HECW2: variants seen among roughly 807,000 people sequenced by gnomAD.
The protein encoded by HECW2 is E3 ubiquitin-protein ligase HECW2.
Under a neutral mutation model 175.2 loss-of-function variants are expected in HECW2, and 61 were observed. That is an observed-to-expected ratio of 0.35 (90% confidence interval 0.28 to 0.43). The LOEUF is 0.43. Ranked by LOEUF, HECW2 falls within the 20% of genes least tolerant of loss-of-function variation. The probability of loss-of-function intolerance (pLI) is 1.00; values close to 1 mark genes in which losing one functional copy is unlikely to be tolerated. For missense variants in HECW2, 1,524 were observed against 2,000.5 expected (o/e 0.76, Z 4.54); for synonymous variants, 671 against 731.0 (o/e 0.92, Z 1.32).
chr2:196,408,670 G>C (rs1695028458), intron 2 of HECW2, among the ~76,000 whole-genome samples: 1 of 152,144 alleles, frequency 6.6e-6, no homozygotes, highest in South Asian at 2.1e-4. Context: ...TTTATGAACA[G>C]CAAATCCTAA....
At chr2:196,544,627 A>C (rs1044107189) in intron 1 of HECW2, among the ~76,000 whole-genome samples, 3 of 152,194 alleles carry the variant, frequency 2.0e-5, no homozygotes, top group Non-Finnish European at 4.4e-5. Context: ...GAATGGGATA[A>C]ATAATGGTGC....
chr2:196,368,140 C>T (rs1693800493), intron 2 of HECW2, among the ~76,000 whole-genome samples: 1 of 152,126 alleles, frequency 6.6e-6, no homozygotes, highest in African/African-American at 2.4e-5. Context: ...ATATACCTAG[C>T]AGTGTAATTG....
chr2:196,403,713 C>T (rs558103926), intron 2 of HECW2, among the ~76,000 whole-genome samples: 2 of 152,256 alleles, frequency 1.3e-5, no homozygotes, highest in East Asian at 3.9e-4. Flanking sequence ...GGAAGATAAT[C>T]GTGGCTATAA....
chr2:196,387,272 A>G (rs1694376032), intron 2 of HECW2, among the ~76,000 whole-genome samples: 1 of 152,148 alleles, frequency 6.6e-6, no homozygotes, highest in Non-Finnish European at 1.5e-5. Context: ...CAAAAAAACC[A>G]TATGTTGACT....
intron 2 of HECW2, among the ~76,000 whole-genome samples, chr2:196,390,420 A>T (rs904879672): frequency 3.9e-5 from 6 of 152,154 alleles, no homozygotes; most frequent in Non-Finnish European, 7.4e-5. Context: ...TACTCCCCCA[A>T]ATGATCACTT....
At chr2:196,254,616 G>A (rs1208548028) in intron 18 of HECW2, among the ~76,000 whole-genome samples, 1 of 152,144 alleles carries the variant, frequency 6.6e-6, no homozygotes, top group Non-Finnish European at 1.5e-5. Context: ...ATACTGAAAT[G>A]TCTGTTTCTG....
At chr2:196,496,191 T>G (rs552937085) in intron 1 of HECW2, among the ~76,000 whole-genome samples, 25 of 151,988 alleles carry the variant, frequency 1.6e-4, no homozygotes, top group Non-Finnish European at 3.4e-4. Context: ...CATATATTTT[T>G]TAACTTTACC....
At chr2:196,453,580 T>C (rs1696411184) in intron 1 of HECW2, among the ~76,000 whole-genome samples, 2 of 152,230 alleles carry the variant, frequency 1.3e-5, no homozygotes, top group Non-Finnish European at 2.9e-5. Context: ...TGATTAATAA[T>C]GACATCTGTT....
Position 196,194,875 on chromosome 2 carries a change from A to C in HECW2, c.*6402T>G, listed in dbSNP as rs936390149. The C allele has an allele frequency of 6.6e-5, 10 of 152,204 alleles. No homozygotes were observed. The highest frequency in any genetic ancestry group is 1.5e-4 in the Non-Finnish European group (10 of 68,024). The allele number at this position is 152,204 out of a possible 1,614,324, so 9.4% of individuals were successfully genotyped here. A position where few individuals can be genotyped will look rare whatever the true frequency, so the allele number is the denominator to read the frequency against. ...TGAAGAGAAATTAAAAGCTTAAAAA[A>C]ATACACCACCTGTGTTCTACTGAAA... is the stretch of plus-strand genomic sequence containing the variant. On this transcript the variant is annotated 3_prime_UTR_variant, in exon 29 of 29. Transcript: ENST00000644978.
At chr2:196,390,651 T>C (rs1694479149) in intron 2 of HECW2, among the ~76,000 whole-genome samples, 1 of 152,102 alleles carries the variant, frequency 6.6e-6, no homozygotes, top group Admixed American at 6.5e-5. Context: ...AAAAATGCCA[T>C]CTATAACCTT....
At chr2:196,255,100 G>C (rs1319143341) in intron 18 of HECW2, among the ~76,000 whole-genome samples, 1 of 148,598 alleles carries the variant, frequency 6.7e-6, no homozygotes, top group African/African-American at 2.5e-5. Context: ...AGCCTCTTGA[G>C]TAGCTGGGAC....
chr2:196,559,961 A>C (rs761937147), intron 1 of HECW2, among the ~76,000 whole-genome samples: 45 of 152,308 alleles, frequency 3.0e-4, no homozygotes, highest in South Asian at 6.2e-4. Flanking sequence ...ATGAGTCTTT[A>C]TCTCTCTACC....
chr2:196,589,602 C>T (rs147037073), intron 1 of HECW2, among the ~76,000 whole-genome samples: 1 of 152,168 alleles, frequency 6.6e-6, no homozygotes, highest in Non-Finnish European at 1.5e-5. Flanking sequence ...TCCTATTATC[C>T]TCATGGCCCT....
chr2:196,262,863 C>T (rs546657637), intron 17 of HECW2, among the ~76,000 whole-genome samples: 1 of 152,210 alleles, frequency 6.6e-6, no homozygotes, highest in East Asian at 1.9e-4. Flanking sequence ...TCAGCCCGTC[C>T]TCCTTTATCT....
chr2:196,207,126 A>G (rs1197048125), intron 28 of HECW2, among the ~76,000 whole-genome samples: 2 of 152,238 alleles, frequency 1.3e-5, no homozygotes, highest in Admixed American at 1.3e-4. Flanking sequence ...AGGCAGGGAC[A>G]CATCAGGAAG....
intron 25 of HECW2, 80 bp downstream of exon 25, chr2:196,220,715 C>T: frequency 1.4e-6 from 2 of 1,414,752 alleles, no homozygotes; most frequent in Middle Eastern, 1.8e-4. Flanking sequence ...AAATAGTCTA[C>T]ACATGTAAAG....
At position 196,541,731 on chromosome 2, in the gene HECW2, G is replaced by GTT. The variant is rs200576096; in HGVS notation, c.-36+51775_-36+51776dup. Among the ~76,000 whole-genome samples, 253 of 147,068 alleles carry GTT rather than the reference G, an allele frequency of 1.7e-3. 2 individuals are homozygous for GTT. The highest frequency in any genetic ancestry group is 5.5e-3 in the African/African-American group (222 of 40,634). On this transcript the variant is annotated intron_variant, in intron 1 of 28. Transcript: ENST00000644978. Reference sequence around the variant, plus strand: ...GATCCCTATAAGAAAACATTTAAAGGTTTTTTTTTTTGTTGCTTTCATTCC... The same window carrying GTT: ...GATCCCTATAAGAAAACATTTAAAGGTTTTTTTTTTTTTGTTGCTTTCATTCC...
intron 2 of HECW2, among the ~76,000 whole-genome samples, chr2:196,427,399 C>G (rs1363003053): frequency 6.6e-6 from 1 of 152,070 alleles, no homozygotes; most frequent in African/African-American, 2.4e-5. Context: ...GCAAATGGAG[C>G]CTTTTGAAGT....
intron 2 of HECW2, among the ~76,000 whole-genome samples, chr2:196,386,896 T>C (rs1694366642): frequency 6.6e-6 from 1 of 152,148 alleles, no homozygotes; most frequent in Non-Finnish European, 1.5e-5. Flanking sequence ...ATTGTAGTCG[T>C]TTGCTAGAAC....
Sources: allele counts gnomAD v4.1 joint callset (sites outside exome capture counted in the v4.1 genomes callset), GRCh38; gene constraint gnomAD v4.1.1; transcripts MANE v1.5; gene names NCBI Gene and HGNC (gene_info 2026-07-23, HGNC 2026-07-21).